Variants in TLK1 observed in about 807,000 individuals in gnomAD.
The protein encoded by TLK1 is serine/threonine-protein kinase tousled-like 1.
TLK1 carries 24 observed loss-of-function variants against 105.3 expected under a neutral mutation model. That is an observed-to-expected ratio of 0.23 (90% CI 0.17 to 0.32). The LOEUF (loss-of-function observed/expected upper bound fraction) is 0.32. Among genes scored for constraint, TLK1 ranks in the 10% least tolerant of loss-of-function variants. The pLI is 1.00. For synonymous variants in TLK1, 321 were observed against 310.4 expected, an observed-to-expected ratio of 1.03 and a Z score of -0.36; for missense variants, 558 against 910.5, an observed-to-expected ratio of 0.61 and a Z score of 4.98.
At chr2:171,144,230 T>C (rs556232199) in intron 1 of TLK1, among the ~76,000 whole-genome samples, 86 of 152,118 alleles carry the variant, frequency 5.7e-4, no homozygotes, top group Non-Finnish European at 8.5e-4. Flanking sequence ...AGAACAATAG[T>C]TGGAAGAATT....
chr2:171,061,473 A>G (rs188373051), intron 3 of TLK1, among the ~76,000 whole-genome samples: 10 of 152,180 alleles, frequency 6.6e-5, no homozygotes, highest in East Asian at 1.9e-4. Context: ...GATGAGGGGG[A>G]AAAAAATCAC....
chr2:171,007,207 T>C (rs1255804696), intron 14 of TLK1, 144 bp from the exon 15 acceptor site: 7 of 542,234 alleles, frequency 1.3e-5, no homozygotes, highest in South Asian at 3.4e-5. Flanking sequence ...GCTAAGACTA[T>C]ATATAGCTCA....
chr2:171,048,761 G>A (rs74537264), intron 10 of TLK1, among the ~76,000 whole-genome samples: 8 of 149,904 alleles, frequency 5.3e-5, no homozygotes, highest in African/African-American at 1.7e-4. Flanking sequence ...CTAGGAGGCA[G>A]TGTTTGAACA....
At chr2:171,136,503 T>G (rs75120540) in intron 1 of TLK1, among the ~76,000 whole-genome samples, 2,583 of 152,066 alleles carry the variant, frequency 0.017, 48 homozygotes, top group Non-Finnish European at 0.022. Flanking sequence ...GAGGCGGAGG[T>G]TGCACCACTG....
chr2:171,128,957 A>G (rs1690981626), intron 1 of TLK1, among the ~76,000 whole-genome samples: 1 of 138,866 alleles, frequency 7.2e-6, no homozygotes, highest in Non-Finnish European at 1.5e-5. Flanking sequence ...AAGGGTCCAG[A>G]GGAAGAGTAT....
intron 20 of TLK1, 125 bp downstream of exon 20, chr2:170,996,528 G>T: frequency 1.4e-6 from 1 of 695,074 alleles, no homozygotes; most frequent in Non-Finnish European, 2.4e-6. Flanking sequence ...ACCAGCCCCT[G>T]CTGGACAGAT....
At position 171,082,786 on chromosome 2, in the gene TLK1, A is replaced by G. The variant is rs1391186254; in HGVS notation, c.325T>C (p.Ser109Pro). ...GSLGSLSDKE[S>P]ETPEKKQSES... Reference sequence around the variant, plus strand: ...TTTAAAATGAAATTACTTACCTCTGATTCTTTGTCACTTAAAGATCCCAAG... The same window carrying G: ...TTTAAAATGAAATTACTTACCTCTGGTTCTTTGTCACTTAAAGATCCCAAG... Residue 109 changes from serine to proline, a missense_variant, in exon 3 of 21, where the codon TCA becomes CCA. This residue lies in a region of TLK1 where 13 missense variants were observed against 39.9 expected (regional missense o/e 0.33). Coordinates refer to ENST00000431350, the MANE Select transcript of TLK1 (RefSeq NM_012290.5). 1.9e-6 allele frequency: 3 copies of G among 1,605,810 alleles called. No homozygotes were observed.
chr2:171,000,376 CAAAAAAAAAAAAAA>C (rs34800888), intron 18 of TLK1, among the ~76,000 whole-genome samples: 1 of 78,378 alleles, frequency 1.3e-5, no homozygotes. Context: ...GAAACTCTGT[CAAAAAAAAAAAAAA>C]AAAAAAAAAG....
intron 2 of TLK1, among the ~76,000 whole-genome samples, chr2:171,098,331 T>C (rs905245714): frequency 3.3e-5 from 5 of 152,158 alleles, no homozygotes; most frequent in Admixed American, 2.0e-4. Context: ...ACAATATATA[T>C]GTATATCAAA....
chr2:171,220,465 T>A (rs1693788502), intron 1 of TLK1, among the ~76,000 whole-genome samples: 1 of 152,226 alleles, frequency 6.6e-6, no homozygotes, highest in South Asian at 2.1e-4. Context: ...GGTTTCTGCC[T>A]TGCTGCCTTT....
chr2:171,125,934 T>G (rs867304711), intron 1 of TLK1, among the ~76,000 whole-genome samples: 3 of 152,332 alleles, frequency 2.0e-5, no homozygotes, highest in Middle Eastern at 6.8e-3. Flanking sequence ...GGACTCAAAC[T>G]GTCATTTTTG....
At chr2:171,107,966 A>C (rs1689999539) in intron 2 of TLK1, among the ~76,000 whole-genome samples, 2 of 151,534 alleles carry the variant, frequency 1.3e-5, no homozygotes, top group African/African-American at 4.8e-5. Flanking sequence ...CTTACGCATG[A>C]GGATCACTTG....
At chr2:171,156,907 C>G (rs1302617901) in intron 1 of TLK1, among the ~76,000 whole-genome samples, 1 of 152,190 alleles carries the variant, frequency 6.6e-6, no homozygotes, top group African/African-American at 2.4e-5. Context: ...CTAGGCTTAC[C>G]GCAGCCTCCA....
At chr2:171,067,325 T>TG (rs1192030847) in intron 3 of TLK1, among the ~76,000 whole-genome samples, 4 of 92,584 alleles carry the variant, frequency 4.3e-5, no homozygotes, top group Non-Finnish European at 1.0e-4. Flanking sequence ...ACACCCAGCT[T>TG]GTTTTTTTTG....
upstream of TLK1, among the ~76,000 whole-genome samples, chr2:171,165,593 A>T (rs765553834): frequency 3.9e-5 from 6 of 152,186 alleles, no homozygotes; most frequent in Non-Finnish European, 5.9e-5. Flanking sequence ...GAGCCACCTA[A>T]GCCCCTTTCC....
intron 1 of TLK1, among the ~76,000 whole-genome samples, chr2:171,204,644 A>T (rs1486841203): frequency 1.3e-5 from 2 of 152,146 alleles, no homozygotes; most frequent in Non-Finnish European, 2.9e-5. Flanking sequence ...AAAAAGGAAA[A>T]ATCTACGTAT....
rs1558905550 is a variant in TLK1 at position 171,046,155 on chromosome 2, A to AT, written c.1169+18dup. The AT allele has an allele frequency of 4.0e-6, 6 of 1,499,518 alleles. No homozygotes were observed. The allele number at this position is 1,499,518 out of a possible 1,614,324, so 92.9% of individuals were successfully genotyped here. On this transcript the variant is annotated intron_variant, in intron 11 of 20. Coordinates refer to ENST00000431350, the MANE Select transcript of TLK1 (RefSeq NM_012290.5). Reference sequence around the variant, plus strand: ...CTGGCAACAATTTTAAAAAAGAAAAATTTTAAATGGAGGCTTACAGTTGTG... The same window carrying AT: ...CTGGCAACAATTTTAAAAAAGAAAAATTTTTAAATGGAGGCTTACAGTTGTG...
At chr2:171,068,571 T>C (rs1341480851) in intron 3 of TLK1, among the ~76,000 whole-genome samples, 1 of 152,226 alleles carries the variant, frequency 6.6e-6, no homozygotes, top group Non-Finnish European at 1.5e-5. Context: ...TTAAAGCTTA[T>C]GCTGGAATCT....
At chr2:171,078,452 C>G (rs767382191) in intron 3 of TLK1, among the ~76,000 whole-genome samples, 1 of 151,982 alleles carries the variant, frequency 6.6e-6, no homozygotes, top group Non-Finnish European at 1.5e-5. Context: ...GCAGGAGAAT[C>G]GCTTGAACCT....
Sources: gnomAD v4.1 joint callset for allele counts (sites outside exome capture counted in the v4.1 genomes callset) on GRCh38, gnomAD v4.1.1 for gene constraint, gnomAD v4.1.1 regional missense constraint, MANE v1.5 for transcripts, NCBI Gene and HGNC (gene_info 2026-07-23, HGNC 2026-07-21) for gene names.